The following SPRYD7 variants were observed in gnomAD, a reference collection of about 807,000 sequenced individuals.
The protein encoded by SPRYD7 is SPRY domain containing 7, also known as SPRY domain-containing protein 7.
In SPRYD7, 14 loss-of-function variants were observed where a neutral mutation model predicts 23.8. That is an observed-to-expected ratio of 0.59 (90% CI 0.39 to 0.92). The LOEUF is 0.92. Among genes scored for constraint, SPRYD7 ranks in the 40% least tolerant of loss-of-function variants. The pLI, the probability that SPRYD7 is intolerant of heterozygous loss-of-function variation, is 0.00. For synonymous variants in SPRYD7, 75 were observed against 84.9 expected, an observed-to-expected ratio of 0.88 and a Z score of 0.64; for missense variants, 194 against 241.7, an observed-to-expected ratio of 0.80 and a Z score of 1.31.
At chr13:49,921,438 A>T in intron 4 of SPRYD7, 40 bp downstream of exon 4, 1 of 1,240,044 alleles carries the variant, frequency 8.1e-7, no homozygotes, top group Non-Finnish European at 1.2e-6. Flanking sequence ...CAAACAAGTT[A>T]ATATGTATGT....
At position 49,913,122 on chromosome 13, in the gene SPRYD7, T is replaced by C. The variant is rs919806235; in HGVS notation, c.*1941A>G. On this transcript the variant is annotated 3_prime_UTR_variant, in exon 5 of 5. Transcript: ENST00000361840. ...GCTGATGTTGCCGGTCTGAGAAGCATCATGAGAACCACTTTCTGGCTGGGT... is the reference window on the plus strand; with the variant it reads ...GCTGATGTTGCCGGTCTGAGAAGCACCATGAGAACCACTTTCTGGCTGGGT... 6 of 152,160 alleles carry C rather than the reference T, an allele frequency of 3.9e-5. No homozygotes were observed. Among genetic ancestry groups the C allele is most frequent in the African/African-American group, 1.4e-4 (6 of 41,438 alleles). 9.4% of individuals were successfully genotyped at this position (152,160 alleles called of 1,614,324 possible). A position where few individuals can be genotyped will look rare whatever the true frequency, so the allele number is the denominator to read the frequency against.
At chr13:49,915,369 T>A (rs1052254890) in intron 4 of SPRYD7, among the ~76,000 whole-genome samples, 2 of 152,110 alleles carry the variant, frequency 1.3e-5, no homozygotes, top group African/African-American at 4.8e-5. Context: ...GTCAAAAACA[T>A]TGGAAGGATA....
chr13:49,936,257 G>A lies in SPRYD7; in HGVS notation c.-22C>T, dbSNP rs778076722. 3 of 1,571,174 alleles carry A rather than the reference G, an allele frequency of 1.9e-6. No individual in the cohort carries two copies. The African/African-American group carries it at 4.1e-5, about 21-fold the overall frequency. On this transcript the variant is annotated 5_prime_UTR_variant, in exon 1 of 5. Coordinates refer to ENST00000361840, the MANE Select transcript of SPRYD7 (RefSeq NM_020456.4). ...CCATCGCGCAGGGACCACCGACTCCGCCGCCGTCCCTAGACCGAGGCGACA... is the reference window on the plus strand; with the variant it reads ...CCATCGCGCAGGGACCACCGACTCCACCGCCGTCCCTAGACCGAGGCGACA...
intron 2 of SPRYD7, among the ~76,000 whole-genome samples, chr13:49,929,973 A>C (rs1042650062): frequency 1.3e-5 from 2 of 151,932 alleles, no homozygotes; most frequent in Admixed American, 6.6e-5. Flanking sequence ...TATCTTTAGT[A>C]GAGATGGGGT....
intron 3 of SPRYD7, among the ~76,000 whole-genome samples, chr13:49,925,293 G>A (rs932117604): frequency 6.6e-6 from 1 of 152,198 alleles, no homozygotes; most frequent in African/African-American, 2.4e-5. Flanking sequence ...TAGAGAGGCT[G>A]AGACGGGAGA....
chr13:49,929,219 A>G (rs1955918813), intron 2 of SPRYD7, among the ~76,000 whole-genome samples: 1 of 152,182 alleles, frequency 6.6e-6, no homozygotes, highest in Non-Finnish European at 1.5e-5. Context: ...CTGCGGCAGG[A>G]GTACTGCTTC....
intron 1 of SPRYD7, among the ~76,000 whole-genome samples, chr13:49,931,402 G>A (rs1464233485): frequency 1.3e-5 from 2 of 152,068 alleles, no homozygotes; most frequent in Non-Finnish European, 2.9e-5. Context: ...GGCTGGTCTT[G>A]AATTCCTGAC....
intron 4 of SPRYD7, among the ~76,000 whole-genome samples, chr13:49,918,117 CG>C (rs1450445788): frequency 6.6e-5 from 10 of 151,988 alleles, no homozygotes; most frequent in African/African-American, 1.4e-4. Context: ...TGGAGTGCAG[CG>C]GCACGATGAT....
intron 1 of SPRYD7, 74 bp downstream of exon 1, chr13:49,936,056 G>T: frequency 2.0e-6 from 2 of 1,014,278 alleles, no homozygotes; most frequent in Non-Finnish European, 2.7e-6. Flanking sequence ...GGGACCCTCT[G>T]ACCCTGAAGG....
chr13:49,936,303 C>A lies in SPRYD7; in HGVS notation c.-68G>T, dbSNP rs1407430757. On this transcript the variant is annotated 5_prime_UTR_variant, in exon 1 of 5. Coordinates refer to ENST00000361840, the MANE Select transcript of SPRYD7 (RefSeq NM_020456.4). ...CGACACTGCCCCCCGCCGCTCAGCT[C>A]CGTCTCCTGCCCCCGCCCGAGGTCC... is the stretch of plus-strand genomic sequence containing the variant. 3.5e-6 allele frequency: 4 copies of A among 1,154,220 alleles called. No homozygotes were observed. Among genetic ancestry groups the A allele is most frequent in the Non-Finnish European group, 4.9e-6 (4 of 818,856 alleles). The allele number at this position is 1,154,220 out of a possible 1,614,324, so 71.5% of individuals were successfully genotyped here. A position where few individuals can be genotyped will look rare whatever the true frequency, so the allele number is the denominator to read the frequency against.
chr13:49,934,384 GTC>G (rs1871516501), intron 1 of SPRYD7, among the ~76,000 whole-genome samples: 1 of 151,778 alleles, frequency 6.6e-6, no homozygotes, highest in Non-Finnish European at 1.5e-5. Context: ...GTGAAACTCT[GTC>G]TCTACTAAAA....
At chr13:49,930,580 C>CAAAAAAGAAAAA in intron 2 of SPRYD7, among the ~76,000 whole-genome samples, 1 of 146,002 alleles carries the variant, frequency 6.8e-6, no homozygotes, top group African/African-American at 2.5e-5. Context: ...GACTCCATCT[C>CAAAAAAGAAAAA]AAAAAAGAAA....
chr13:49,930,765 C>T (rs907496427), intron 2 of SPRYD7, among the ~76,000 whole-genome samples: 1 of 152,130 alleles, frequency 6.6e-6, no homozygotes, highest in African/African-American at 2.4e-5. Context: ...TCTTAAAACA[C>T]TTTCATACAT....
chr13:49,928,108 G>T (rs752443430), intron 2 of SPRYD7, 23 bp from the exon 3 acceptor site: 1 of 1,604,172 alleles, frequency 6.2e-7, no homozygotes, highest in Admixed American at 1.7e-5. Flanking sequence ...CAGTTTAAAT[G>T]CCCTCAAAAT....
intron 1 of SPRYD7, among the ~76,000 whole-genome samples, chr13:49,934,183 C>G (rs143883379): frequency 1.3e-5 from 2 of 152,194 alleles, no homozygotes; most frequent in East Asian, 3.9e-4. Flanking sequence ...CTCAACAACC[C>G]TTTTCTTTCA....
intron 1 of SPRYD7, among the ~76,000 whole-genome samples, chr13:49,935,252 A>C (rs922604395): frequency 1.3e-5 from 2 of 152,242 alleles, no homozygotes; most frequent in African/African-American, 4.8e-5. Context: ...CGTGTAAAAA[A>C]TCAAAAGTGC....
chr13:49,915,752 A>G (rs1236554601), intron 4 of SPRYD7, among the ~76,000 whole-genome samples: 2 of 152,230 alleles, frequency 1.3e-5, no homozygotes, highest in Admixed American at 1.3e-4. Context: ...AAACGTTCAC[A>G]ATAGCTTTAT....
chr13:49,930,439 G>A (rs1051460023), intron 2 of SPRYD7, among the ~76,000 whole-genome samples: 17 of 152,034 alleles, frequency 1.1e-4, no homozygotes, highest in African/African-American at 3.9e-4. Context: ...AAATTAGCTG[G>A]GCATGGTGGT....
chr13:49,920,723 G>A (rs1955808537), intron 4 of SPRYD7, among the ~76,000 whole-genome samples: 2 of 152,136 alleles, frequency 1.3e-5, no homozygotes, highest in South Asian at 2.1e-4. Flanking sequence ...CACTTTGGGA[G>A]GTTGAGGTGG....
Sources: gnomAD v4.1 joint callset for allele counts (sites outside exome capture counted in the v4.1 genomes callset) on GRCh38, gnomAD v4.1.1 for gene constraint, MANE v1.5 for transcripts, NCBI Gene and HGNC (gene_info 2026-07-23, HGNC 2026-07-21) for gene names.